SMARCC1: variants seen among roughly 807,000 people sequenced by gnomAD.
The protein encoded by SMARCC1 is SWI/SNF complex subunit SMARCC1.
Under a neutral mutation model 147.4 loss-of-function variants are expected in SMARCC1, and 43 were observed. The ratio of observed to expected loss-of-function variants is 0.29; its 90% CI spans 0.23 to 0.38. The LOEUF (loss-of-function observed/expected upper bound fraction) is 0.38. SMARCC1 is among the 10% of genes least tolerant of loss of function. SMARCC1 has a pLI of 1.00. For synonymous variants in SMARCC1, 495 were observed against 484.4 expected, an observed-to-expected ratio of 1.02 and a Z score of -0.29; for missense variants, 1,119 against 1,381.1, an observed-to-expected ratio of 0.81 and a Z score of 3.01.
intron 6 of SMARCC1, among the ~76,000 whole-genome samples, chr3:47,722,019 C>G (rs764633278): frequency 8.2e-4 from 124 of 151,938 alleles, no homozygotes; most frequent in Non-Finnish European, 2.4e-4. Flanking sequence ...GTCTCCATCT[C>G]AAAACAAAAG....
chr3:47,603,985 C>A, intron 26 of SMARCC1: 1 of 456,780 alleles, frequency 2.2e-6, no homozygotes, highest in Non-Finnish European at 4.4e-6. Flanking sequence ...GCAATAGAGG[C>A]ATGCACGCAG....
chr3:47,676,875 A>C, intron 16 of SMARCC1, 93 bp from the exon 17 acceptor site: 1 of 1,095,024 alleles, frequency 9.1e-7, no homozygotes, highest in Middle Eastern at 3.0e-4. Context: ...AGAAACAATA[A>C]AACCAGTAAA....
chr3:47,687,249 A>C (rs2033736872), intron 13 of SMARCC1, among the ~76,000 whole-genome samples: 1 of 152,248 alleles, frequency 6.6e-6, no homozygotes, highest in African/African-American at 2.4e-5. Flanking sequence ...AGGGTAACAA[A>C]TTTTATTTCC....
At chr3:47,668,391 T>C (rs1018689208) in intron 19 of SMARCC1, among the ~76,000 whole-genome samples, 9 of 152,192 alleles carry the variant, frequency 5.9e-5, no homozygotes, top group Non-Finnish European at 1.2e-4. Flanking sequence ...CCTTACATTA[T>C]CCTTCATTTC....
chr3:47,675,777 T>A (rs759553287), intron 17 of SMARCC1, among the ~76,000 whole-genome samples, 189 bp from the exon 18 acceptor site: 10 of 152,004 alleles, frequency 6.6e-5, no homozygotes, highest in Non-Finnish European at 1.5e-4. Context: ...GAAACCCGTC[T>A]CTACTAAAAA....
chr3:47,729,543 G>T (rs999639410), intron 5 of SMARCC1, among the ~76,000 whole-genome samples: 3 of 152,056 alleles, frequency 2.0e-5, no homozygotes, highest in Non-Finnish European at 4.4e-5. Context: ...CCGCCAGCAC[G>T]CCTGGCTAAT....
intron 24 of SMARCC1, among the ~76,000 whole-genome samples, chr3:47,627,079 T>A (rs1159496153): frequency 1.3e-5 from 2 of 152,240 alleles, no homozygotes; most frequent in Admixed American, 6.5e-5. Flanking sequence ...ATTGTTATGT[T>A]TTAAACTACT....
intron 8 of SMARCC1, 134 bp downstream of exon 8, chr3:47,714,281 T>C (rs2034128452): frequency 1.6e-6 from 1 of 626,010 alleles, no homozygotes; most frequent in Non-Finnish European, 2.9e-6. Flanking sequence ...CGAGAATCAC[T>C]TGAACCCGGA....
intron 26 of SMARCC1, among the ~76,000 whole-genome samples, chr3:47,607,829 G>C (rs1184245780): frequency 1.3e-5 from 2 of 152,140 alleles, no homozygotes; most frequent in Non-Finnish European, 2.9e-5. Context: ...GATTGCTTGA[G>C]CCCAGGAATT....
At chr3:47,771,774 A>G (rs1480744420) in intron 2 of SMARCC1, among the ~76,000 whole-genome samples, 2 of 151,834 alleles carry the variant, frequency 1.3e-5, no homozygotes, top group South Asian at 2.1e-4. Context: ...ATAACATAAC[A>G]TAACATATCA....
At chr3:47,672,622 T>C (rs2033515583) in intron 18 of SMARCC1, among the ~76,000 whole-genome samples, 1 of 152,158 alleles carries the variant, frequency 6.6e-6, no homozygotes, top group Admixed American at 6.5e-5. Flanking sequence ...TTAATCTAAA[T>C]TCTGAAGAAA....
intron 26 of SMARCC1, 141 bp downstream of exon 26, chr3:47,609,925 C>T (rs758915612): frequency 2.3e-6 from 2 of 879,114 alleles, no homozygotes; most frequent in East Asian, 2.5e-5. Context: ...CTAAATCTCA[C>T]ATGCCTACAA....
chr3:47,719,450 C>T (rs1366096334), intron 7 of SMARCC1, among the ~76,000 whole-genome samples: 1 of 151,952 alleles, frequency 6.6e-6, no homozygotes, highest in East Asian at 2.0e-4. Context: ...CCTGTAATCC[C>T]AGCACTTTGA....
chr3:47,671,196 A>AAAAAAAAC lies in SMARCC1; in HGVS notation c.1840-480_1840-479insGTTTTTTT, dbSNP rs753672169. ...CTCAAAAAAAAAAAAAAAAAAAAAAAAACACACACAAAAACCAAAACCAAA... is the reference window on the plus strand; with the variant it reads ...CTCAAAAAAAAAAAAAAAAAAAAAAAAAAAAAACAACACACACAAAAACCAAAACCAAA... On this transcript the variant is annotated intron_variant, in intron 18 of 27. Transcript: ENST00000254480. 6.7e-3 allele frequency among the ~76,000 whole-genome samples: 546 copies of AAAAAAAAC among 81,104 alleles called. 34 individuals are homozygous for AAAAAAAAC. The highest frequency in any genetic ancestry group is 9.4e-3 in the Non-Finnish European group (387 of 41,260). The allele number at this position is 81,104 out of a possible 152,430, so 53.2% of individuals were successfully genotyped here.
At chr3:47,651,523 C>G (rs1453938027) in intron 21 of SMARCC1, among the ~76,000 whole-genome samples, 1 of 152,198 alleles carries the variant, frequency 6.6e-6, no homozygotes, top group Non-Finnish European at 1.5e-5. Flanking sequence ...GGGCTTTACA[C>G]TGGCTTCTGC....
intron 5 of SMARCC1, among the ~76,000 whole-genome samples, chr3:47,732,984 T>C (rs1321031794): frequency 6.6e-6 from 1 of 151,794 alleles, no homozygotes; most frequent in Non-Finnish European, 1.5e-5. Flanking sequence ...GGCGGGTGCC[T>C]GTAATCCCAG....
At chr3:47,719,689 C>T (rs932747378) in intron 7 of SMARCC1, among the ~76,000 whole-genome samples, 3 of 151,772 alleles carry the variant, frequency 2.0e-5, no homozygotes, top group Non-Finnish European at 4.4e-5. Context: ...GGCGACAAAG[C>T]GGGACTCTGT....
At chr3:47,702,407 T>C (rs919236319) in intron 10 of SMARCC1, among the ~76,000 whole-genome samples, 1 of 152,038 alleles carries the variant, frequency 6.6e-6, no homozygotes, top group African/African-American at 2.4e-5. Context: ...ATAGAGAGAT[T>C]GTAAGGACTG....
At chr3:47,668,942 C>T (rs1356323962) in intron 19 of SMARCC1, among the ~76,000 whole-genome samples, 4 of 151,346 alleles carry the variant, frequency 2.6e-5, no homozygotes, top group Admixed American at 2.6e-4. Flanking sequence ...AATGAGTCTA[C>T]CAGATTTATC....
Sources: gnomAD v4.1 joint callset for allele counts (sites outside exome capture counted in the v4.1 genomes callset) on GRCh38, gnomAD v4.1.1 for gene constraint, MANE v1.5 for transcripts, NCBI Gene and HGNC (gene_info 2026-07-23, HGNC 2026-07-21) for gene names.